Variants in ALK observed in about 807,000 individuals in gnomAD.
The protein encoded by ALK is ALK receptor tyrosine kinase, also known as ALK tyrosine kinase receptor.
Under a neutral mutation model 163.1 loss-of-function variants are expected in ALK, and 74 were observed. The ratio of observed to expected loss-of-function variants is 0.45; its 90% CI spans 0.38 to 0.55. The LOEUF is 0.55. ALK is among the 20% of genes least tolerant of loss of function. The pLI is 0.00. For missense variants in ALK, 2,063 were observed against 2,105.3 expected, an observed-to-expected ratio of 0.98 and a Z score of 0.39; for synonymous variants, 960 against 843.2, an observed-to-expected ratio of 1.14 and a Z score of -2.40.
chr2:29,584,312 C>T (rs1207531456), intron 3 of ALK, among the ~76,000 whole-genome samples: 1 of 152,182 alleles, frequency 6.6e-6, no homozygotes, highest in East Asian at 1.9e-4. Flanking sequence ...ATGCGTGTTC[C>T]TTGGACATTT....
intron 4 of ALK, among the ~76,000 whole-genome samples, chr2:29,458,520 A>C (rs1671012914): frequency 1.3e-5 from 2 of 152,116 alleles, no homozygotes; most frequent in African/African-American, 4.8e-5. Flanking sequence ...CTTTATAGAT[A>C]CTGCATCAAT....
chr2:29,493,890 C>T (rs912030743), intron 4 of ALK, among the ~76,000 whole-genome samples: 20 of 152,304 alleles, frequency 1.3e-4, no homozygotes, highest in African/African-American at 7.2e-5. Flanking sequence ...CAGGATGAAA[C>T]GGCCTCAAGC....
At chr2:29,623,823 G>C (rs1676111349) in intron 3 of ALK, among the ~76,000 whole-genome samples, 1 of 152,154 alleles carries the variant, frequency 6.6e-6, no homozygotes, top group Non-Finnish European at 1.5e-5. Context: ...CTTTATAACA[G>C]AACAATATTT....
intron 11 of ALK, among the ~76,000 whole-genome samples, chr2:29,269,665 G>A (rs1462194140): frequency 1.3e-5 from 2 of 152,164 alleles, no homozygotes; most frequent in Admixed American, 6.5e-5. Flanking sequence ...TAAAATTAGC[G>A]AGATAATCTA....
intron 2 of ALK, among the ~76,000 whole-genome samples, chr2:29,712,677 A>T (rs1679136386): frequency 6.6e-6 from 1 of 152,054 alleles, no homozygotes; most frequent in African/African-American, 2.4e-5. Flanking sequence ...AAAGAAATTG[A>T]TACATTAACA....
intron 1 of ALK, among the ~76,000 whole-genome samples, chr2:29,887,752 T>C (rs745415368): frequency 7.9e-5 from 12 of 152,234 alleles, no homozygotes; most frequent in Non-Finnish European, 1.6e-4. Context: ...GCCCATTATG[T>C]TGTATCTTCC....
chr2:29,546,665 A>C (rs1673562963), intron 3 of ALK, among the ~76,000 whole-genome samples: 1 of 152,118 alleles, frequency 6.6e-6, no homozygotes, highest in Admixed American at 6.5e-5. Flanking sequence ...GGATTGTTCA[A>C]TTTTTGCTTT....
intron 4 of ALK, among the ~76,000 whole-genome samples, chr2:29,516,454 T>C (rs1672667664): frequency 1.3e-5 from 2 of 152,212 alleles, no homozygotes; most frequent in Non-Finnish European, 1.5e-5. Flanking sequence ...GTGGTGGAGA[T>C]GCTGTTCCAT....
Position 29,204,078 on chromosome 2 carries a change from C to T in ALK, c.3938+3093G>A, listed in dbSNP as rs114359728. Among the ~76,000 whole-genome samples, 1,393 of 152,104 alleles carry T rather than the reference C, an allele frequency of 9.2e-3. 17 individuals carry two copies. Among genetic ancestry groups the T allele is most frequent in the African/African-American group, 0.031 (1,304 of 41,498 alleles). The stretch of plus-strand genomic sequence containing the variant: ...ACACTCCATCCTTTTCATTGCATTT[C>T]TGTCATCAAATTTTTAAATAATAAG... On this transcript the variant is annotated intron_variant, in intron 26 of 28. Transcript: ENST00000389048.
Position 29,197,524 on chromosome 2 carries a change from T to G in ALK, c.4073+18A>C, listed in dbSNP as rs777204217. ...AACTGCTTAGTAACTAGCAGAAGTG[T>G]TCCTAAAAGAGTCATACACAGGCCC... On this transcript the variant is annotated intron_variant, in intron 27 of 28. Coordinates refer to ENST00000389048, the MANE Select transcript of ALK (RefSeq NM_004304.5). 1 of 1,612,972 alleles carries G rather than the reference T, an allele frequency of 6.2e-7. No homozygotes were observed. The highest frequency in any genetic ancestry group is 8.5e-7 in the Non-Finnish European group (1 of 1,179,846).
intron 1 of ALK, among the ~76,000 whole-genome samples, chr2:29,793,154 T>G (rs1572383831): frequency 6.6e-6 from 1 of 152,318 alleles, no homozygotes; most frequent in African/African-American, 2.4e-5. Flanking sequence ...CACAGCATCT[T>G]TACCAGGAGT....
intron 4 of ALK, among the ~76,000 whole-genome samples, chr2:29,392,425 T>C (rs1390078925): frequency 2.0e-5 from 3 of 152,194 alleles, no homozygotes; most frequent in African/African-American, 7.2e-5. Flanking sequence ...TTTTGGTGGG[T>C]CAGAGGTGGG....
intron 3 of ALK, among the ~76,000 whole-genome samples, chr2:29,682,992 C>T (rs982011913): frequency 6.6e-6 from 1 of 152,166 alleles, no homozygotes; most frequent in Non-Finnish European, 1.5e-5. Context: ...TCGCATATTT[C>T]CAAATACTAA....
chr2:29,728,023 C>T (rs1328897186), intron 1 of ALK, among the ~76,000 whole-genome samples: 1 of 152,114 alleles, frequency 6.6e-6, no homozygotes, highest in African/African-American at 2.4e-5. Flanking sequence ...GCCTCACCCA[C>T]CACAGGAGAA....
At chr2:29,398,343 C>A (rs1470110462) in intron 4 of ALK, among the ~76,000 whole-genome samples, 3 of 152,082 alleles carry the variant, frequency 2.0e-5, no homozygotes, top group African/African-American at 7.2e-5. Flanking sequence ...CTGGTTCAGT[C>A]CTTCAGTGAT....
intron 3 of ALK, among the ~76,000 whole-genome samples, chr2:29,638,741 T>C (rs1014585695): frequency 6.6e-6 from 1 of 152,202 alleles, no homozygotes; most frequent in Non-Finnish European, 1.5e-5. Flanking sequence ...GTAGAGGATC[T>C]GCCTATTTGG....
At chr2:29,585,914 C>T (rs1674873971) in intron 3 of ALK, among the ~76,000 whole-genome samples, 1 of 151,990 alleles carries the variant, frequency 6.6e-6, no homozygotes. Context: ...TACATAACTA[C>T]TATGAGAATT....
Position 29,279,722 on chromosome 2 carries a change from G to A in ALK, c.1818-4226C>T, listed in dbSNP as rs1665658018. On this transcript the variant is annotated intron_variant, in intron 9 of 28. Transcript: ENST00000389048. ...GCTTACTGTCTCCTTGCTGGAGATGGGAAAGGCTTCCTCAAGGCTCTCGCA... is the reference window on the plus strand; with the variant it reads ...GCTTACTGTCTCCTTGCTGGAGATGAGAAAGGCTTCCTCAAGGCTCTCGCA... 2.0e-5 allele frequency among the ~76,000 whole-genome samples: 3 copies of A among 152,212 alleles called. No homozygotes were observed. In the South Asian group the frequency reaches 6.2e-4, roughly 32 times the overall value.
intron 24 of ALK, among the ~76,000 whole-genome samples, chr2:29,212,510 G>A (rs1016639352): frequency 2.6e-5 from 4 of 152,202 alleles, no homozygotes; most frequent in Non-Finnish European, 4.4e-5. Flanking sequence ...GAAAGGGTTA[G>A]AAGCTGGAGG....
Sources: allele counts gnomAD v4.1 joint callset (sites outside exome capture counted in the v4.1 genomes callset), GRCh38; gene constraint gnomAD v4.1.1; transcripts MANE v1.5; gene names NCBI Gene and HGNC (gene_info 2026-07-23, HGNC 2026-07-21).